The following HMGN3 variants were observed in gnomAD, a reference collection of about 807,000 sequenced individuals.
HMGN3 encodes the protein high mobility group nucleosomal binding domain 3, also known as high mobility group nucleosome-binding domain-containing protein 3.
HMGN3 carries 6 observed loss-of-function variants against 18.8 expected under a neutral mutation model. The ratio of observed to expected loss-of-function variants is 0.32; its 90% CI spans 0.18 to 0.63. The LOEUF (loss-of-function observed/expected upper bound fraction) is 0.63, where lower values mean the gene tolerates loss of function less well. Ranked by LOEUF, HMGN3 falls within the 30% of genes least tolerant of loss-of-function variation. HMGN3 has a pLI of 0.79. For missense variants in HMGN3, 107 were observed against 114.2 expected (o/e 0.94, Z 0.29); for synonymous variants, 40 against 36.5 (o/e 1.10, Z -0.35).
intron 2 of HMGN3, among the ~76,000 whole-genome samples, chr6:79,214,566 T>C (rs1245847906): frequency 2.0e-5 from 3 of 152,206 alleles, no homozygotes; most frequent in South Asian, 4.1e-4. Flanking sequence ...AAGTGACTTA[T>C]AATCCACTCA....
At chr6:79,214,900 T>G (rs896489053) in intron 2 of HMGN3, 72 bp downstream of exon 2, 1 of 866,590 alleles carries the variant, frequency 1.2e-6, no homozygotes, top group Middle Eastern at 2.6e-4. Context: ...TTCATTCAGA[T>G]GCAGACAATC....
chr6:79,216,122 T>C (rs904767723), intron 1 of HMGN3, among the ~76,000 whole-genome samples: 1 of 152,150 alleles, frequency 6.6e-6, no homozygotes, highest in African/African-American at 2.4e-5. Flanking sequence ...AAAGAACAAC[T>C]TGGCAATATG....
chr6:79,206,663 TCA>T (rs1776436344), intron 3 of HMGN3, among the ~76,000 whole-genome samples: 2 of 152,238 alleles, frequency 1.3e-5, no homozygotes, highest in Non-Finnish European at 2.9e-5. Context: ...GTTGAAGCCC[TCA>T]CACAGAGTCC....
chr6:79,222,437 T>C (rs767856449), intron 1 of HMGN3, among the ~76,000 whole-genome samples: 2 of 152,204 alleles, frequency 1.3e-5, no homozygotes, highest in Admixed American at 1.3e-4. Context: ...ACATAACTAC[T>C]TAACACAAGG....
At chr6:79,232,814 G>A (rs1278032437) in intron 1 of HMGN3, among the ~76,000 whole-genome samples, 1 of 152,110 alleles carries the variant, frequency 6.6e-6, no homozygotes, top group African/African-American at 2.4e-5. Context: ...CACTTACTCT[G>A]TAACCCGTAT....
intron 3 of HMGN3, among the ~76,000 whole-genome samples, chr6:79,206,588 G>T (rs1005742797): frequency 6.6e-5 from 10 of 152,246 alleles, no homozygotes; most frequent in African/African-American, 2.4e-4. Context: ...CCAGGCAGAC[G>T]TTGTTGCAGA....
chr6:79,230,892 A>C (rs1056742245), intron 1 of HMGN3, among the ~76,000 whole-genome samples: 2 of 152,226 alleles, frequency 1.3e-5, no homozygotes, highest in African/African-American at 4.8e-5. Flanking sequence ...TTCAAAATTA[A>C]CTATCACAAA....
At chr6:79,201,471 C>G in exon 6 of HMGN3, 1 of 530,072 alleles carries the variant, frequency 1.9e-6, no homozygotes, top group Non-Finnish European at 3.3e-6. Context: ...ATCTTACACA[C>G]AGCTTCCAAT....
chr6:79,202,139 G>A (rs1277658223), intron 5 of HMGN3: 1 of 1,562,604 alleles, frequency 6.4e-7, no homozygotes, highest in East Asian at 2.3e-5. Context: ...ATTAACAGTT[G>A]AGCGAGAGAT....
intron 1 of HMGN3, among the ~76,000 whole-genome samples, chr6:79,218,498 C>T (rs533886642): frequency 1.5e-4 from 23 of 152,154 alleles, no homozygotes; most frequent in Admixed American, 5.2e-4. Flanking sequence ...AAATGAACTA[C>T]GGGTGTGCAC....
intron 2 of HMGN3, among the ~76,000 whole-genome samples, chr6:79,209,280 G>A (rs1447167436): frequency 1.3e-5 from 2 of 152,122 alleles, no homozygotes. Context: ...GATATTACAA[G>A]TTAACAGCAA....
At chr6:79,234,651 A>T in exon 1 of HMGN3, 1 of 1,306,558 alleles carries the variant, frequency 7.7e-7, no homozygotes, top group South Asian at 1.2e-5. Flanking sequence ...GCAGCTGCTC[A>T]CGCGCAGGGC....
At chr6:79,222,819 G>A (rs1221171863) in intron 1 of HMGN3, among the ~76,000 whole-genome samples, 3 of 151,896 alleles carry the variant, frequency 2.0e-5, no homozygotes, top group Non-Finnish European at 4.4e-5. Flanking sequence ...ATTGATTAAG[G>A]TCACTGCAGG....
At chr6:79,224,130 T>C (rs933502878) in intron 1 of HMGN3, among the ~76,000 whole-genome samples, 4 of 152,156 alleles carry the variant, frequency 2.6e-5, no homozygotes, top group African/African-American at 9.7e-5. Context: ...TTTTATTAAC[T>C]AGGAATTGTG....
chr6:79,207,975 G>A (rs1776500460), intron 3 of HMGN3, among the ~76,000 whole-genome samples: 1 of 152,188 alleles, frequency 6.6e-6, no homozygotes, highest in Non-Finnish European at 1.5e-5. Flanking sequence ...ACAGGTTGGT[G>A]AGGAAGAGCT....
chr6:79,204,175 T>C (rs543609989), intron 3 of HMGN3, among the ~76,000 whole-genome samples: 88 of 152,344 alleles, frequency 5.8e-4, no homozygotes, highest in Non-Finnish European at 9.3e-4. Flanking sequence ...TTCTCCCCAA[T>C]GCCAGCTCAA....
intron 1 of HMGN3, among the ~76,000 whole-genome samples, chr6:79,218,348 G>C (rs1777101448): frequency 6.6e-6 from 1 of 152,062 alleles, no homozygotes; most frequent in African/African-American, 2.4e-5. Context: ...CAAGGATATA[G>C]AAAGCATGAA....
At chr6:79,218,293 A>C (rs528749866) in intron 1 of HMGN3, among the ~76,000 whole-genome samples, 1 of 152,288 alleles carries the variant, frequency 6.6e-6, no homozygotes, top group South Asian at 2.1e-4. Context: ...ATAGGTAACT[A>C]ACACTTATAC....
intron 1 of HMGN3, among the ~76,000 whole-genome samples, chr6:79,215,808 G>A (rs1776953343): frequency 6.6e-6 from 1 of 152,124 alleles, no homozygotes; most frequent in South Asian, 2.1e-4. Context: ...TATTGGCTAA[G>A]AGTTATTAAA....
Sources: allele counts gnomAD v4.1 joint callset (sites outside exome capture counted in the v4.1 genomes callset), GRCh38; gene constraint gnomAD v4.1.1; transcripts MANE v1.5; gene names NCBI Gene and HGNC (gene_info 2026-07-23, HGNC 2026-07-21).